Variants in KMT5B observed in about 807,000 individuals in gnomAD.
The protein encoded by KMT5B is histone-lysine N-methyltransferase KMT5B.
Under a neutral mutation model 83.2 loss-of-function variants are expected in KMT5B, and 10 were observed. The observed-to-expected ratio is 0.12, with a 90% confidence interval of 0.07 to 0.20. KMT5B has a LOEUF of 0.20. Among genes scored for constraint, KMT5B ranks in the 10% least tolerant of loss-of-function variants. KMT5B has a pLI of 1.00. For missense variants in KMT5B, 753 were observed against 1,067.2 expected (o/e 0.71, Z 4.10); for synonymous variants, 349 against 388.8 (o/e 0.90, Z 1.20).
intron 1 of KMT5B, among the ~76,000 whole-genome samples, chr11:68,196,512 A>G (rs1858730414): frequency 6.7e-6 from 1 of 149,932 alleles, no homozygotes; most frequent in Non-Finnish European, 1.5e-5. Flanking sequence ...GATGAAATAA[A>G]TAGGTTGTAT....
rs760604633 is a variant in KMT5B, at chr11:68,171,305, C to T, written c.821-54G>A. On this transcript the variant is annotated intron_variant, in intron 7 of 10. Coordinates refer to ENST00000304363, the MANE Select transcript of KMT5B (RefSeq NM_017635.5). This position sits in a 1 kb window ranked among gnomAD's most constrained non-coding sequence, Gnocchi z 5.1. The stretch of plus-strand genomic sequence containing the variant: ...TTAACTGTTGATAAGATCTGAAACA[C>T]GAACAATTATAGAAATCTGAAATAA... 2.5e-5 allele frequency: 39 copies of T among 1,585,118 alleles called. No homozygotes were observed. Among genetic ancestry groups the T allele is most frequent in the African/African-American group, 6.8e-5 (5 of 73,972 alleles).
chr11:68,178,643 C>T (rs1856609580), intron 4 of KMT5B, among the ~76,000 whole-genome samples: 1 of 152,136 alleles, frequency 6.6e-6, no homozygotes, highest in Non-Finnish European at 1.5e-5. Context: ...TGCAGACAGG[C>T]AGGAGATGAG....
chr11:68,210,246 T>TGG (rs71043405), intron 1 of KMT5B, among the ~76,000 whole-genome samples: 614 of 149,528 alleles, frequency 4.1e-3, no homozygotes, highest in East Asian at 7.5e-3. Flanking sequence ...AATCAAGCTT[T>TGG]GGGGGGGGGG....
intron 1 of KMT5B, among the ~76,000 whole-genome samples, chr11:68,201,391 T>C (rs1859422174): frequency 1.3e-5 from 2 of 152,264 alleles, no homozygotes; most frequent in African/African-American, 2.4e-5. Flanking sequence ...CACATAACCA[T>C]GCCTGTTCTA....
intron 1 of KMT5B, among the ~76,000 whole-genome samples, chr11:68,202,035 C>G (rs981342213): frequency 8.6e-5 from 13 of 151,994 alleles, no homozygotes; most frequent in Non-Finnish European, 2.9e-5. Context: ...CCACTGCACT[C>G]TAGCCTAGGT....
intron 1 of KMT5B, among the ~76,000 whole-genome samples, chr11:68,200,139 A>G (rs1476552344): frequency 6.6e-6 from 1 of 152,186 alleles, no homozygotes; most frequent in Non-Finnish European, 1.5e-5. Context: ...CTTCAAATAA[A>G]ATCAAAGTAT....
chr11:68,159,317 A>G lies in KMT5B; in HGVS notation c.1175-146T>C, dbSNP rs1854655273. The G allele has an allele frequency of 5.3e-6, 6 of 1,133,476 alleles. No homozygotes were observed. The South Asian group carries it at 1.2e-4, about 23-fold the overall frequency. The allele number at this position is 1,133,476 out of a possible 1,614,324, so 70.2% of individuals were successfully genotyped here. ...CTCCTGCTGCAGATTCTGCCAGCGC[A>G]CCTGCATTCCCTACACTGCTTCTCT... On this transcript the variant is annotated intron_variant, in intron 10 of 10. Coordinates refer to ENST00000304363, the MANE Select transcript of KMT5B (RefSeq NM_017635.5).
chr11:68,191,469 G>T lies in KMT5B; in HGVS notation c.-76-1317C>A, dbSNP rs1457504997. On this transcript the variant is annotated intron_variant, in intron 1 of 10. Coordinates refer to ENST00000304363, the MANE Select transcript of KMT5B (RefSeq NM_017635.5). ...CTGCCTCAGTCTCCTGAGTAGGTGG[G>T]ATTACAGGCGTGCACCACCACACCC... Among the ~76,000 whole-genome samples, 3 of 152,060 alleles carry T rather than the reference G, an allele frequency of 2.0e-5. No individual in the cohort carries two copies. The East Asian group carries it at 5.8e-4, about 29-fold the overall frequency.
intron 1 of KMT5B, among the ~76,000 whole-genome samples, chr11:68,190,591 C>T (rs1857926973): frequency 6.6e-6 from 1 of 152,172 alleles, no homozygotes; most frequent in Admixed American, 6.5e-5. Flanking sequence ...AATCCCGACC[C>T]TGTGTGGGCT....
At chr11:68,164,279 G>A (rs112690504) in intron 10 of KMT5B, among the ~76,000 whole-genome samples, 68 of 152,294 alleles carry the variant, frequency 4.5e-4, no homozygotes, top group African/African-American at 1.6e-3. Context: ...TGTGTTCAAA[G>A]AAAGCAGTTC....
chr11:68,208,890 C>T (rs1860512523), intron 1 of KMT5B, among the ~76,000 whole-genome samples: 2 of 152,274 alleles, frequency 1.3e-5, no homozygotes, highest in South Asian at 2.1e-4. Flanking sequence ...GGTCAAAAGC[C>T]CTCCTGGTAC....
chr11:68,205,412 G>A (rs1249861427), intron 1 of KMT5B, among the ~76,000 whole-genome samples: 1 of 152,164 alleles, frequency 6.6e-6, no homozygotes, highest in Non-Finnish European at 1.5e-5. Context: ...TTTGAAAATA[G>A]AGCCAGCCTC....
rs1409999011 is a variant in KMT5B, at chr11:68,171,825, A to C, written c.654-116T>G. 3 of 857,458 alleles carry C rather than the reference A, an allele frequency of 3.5e-6. No individual in the cohort carries two copies. Among genetic ancestry groups the C allele is most frequent in the Non-Finnish European group, 3.5e-6 (2 of 564,176 alleles). The allele number at this position is 857,458 out of a possible 1,614,324, so 53.1% of individuals were successfully genotyped here. ...AAACTGAAAAGGCCTAGCTGTCTATACTTTAGTTAGCTCACTGGGATCCCC... is the reference window on the plus strand; with the variant it reads ...AAACTGAAAAGGCCTAGCTGTCTATCCTTTAGTTAGCTCACTGGGATCCCC... On this transcript the variant is annotated intron_variant, in intron 6 of 10. Transcript: ENST00000304363. This position sits in a 1 kb window ranked among gnomAD's most constrained non-coding sequence, Gnocchi z 5.1.
At chr11:68,211,597 C>A (rs933751628) in intron 1 of KMT5B, among the ~76,000 whole-genome samples, 4 of 152,128 alleles carry the variant, frequency 2.6e-5, no homozygotes, top group Non-Finnish European at 4.4e-5. Flanking sequence ...CTGTACCTGC[C>A]CGTGGGCGGA....
intron 6 of KMT5B, among the ~76,000 whole-genome samples, chr11:68,173,170 A>C (rs1856010506): frequency 6.6e-6 from 1 of 152,142 alleles, no homozygotes; most frequent in African/African-American, 2.4e-5. Context: ...CCACCCGAGT[A>C]GCTAGGACTA....
chr11:68,166,113 C>CT, intron 10 of KMT5B: 3 of 1,449,716 alleles, frequency 2.1e-6, no homozygotes, highest in Non-Finnish European at 2.7e-6. Flanking sequence ...TCAAAACTTT[C>CT]TAACTTCTGT....
chr11:68,191,798 G>A (rs1018126208), intron 1 of KMT5B, among the ~76,000 whole-genome samples: 11 of 152,326 alleles, frequency 7.2e-5, no homozygotes, highest in African/African-American at 2.4e-4. Flanking sequence ...TAGCCTAAGT[G>A]TACGGTGTTA....
At chr11:68,173,967 C>G (rs1228399048) in intron 5 of KMT5B, 54 bp from the exon 6 acceptor site, 2 of 1,231,342 alleles carry the variant, frequency 1.6e-6, no homozygotes, top group Non-Finnish European at 2.4e-6. Context: ...CCCTGCTAGA[C>G]TTTCTTACAA....
chr11:68,182,415 T>C (rs903440087), intron 3 of KMT5B, among the ~76,000 whole-genome samples: 5 of 152,312 alleles, frequency 3.3e-5, no homozygotes, highest in Non-Finnish European at 5.9e-5. Flanking sequence ...GTAAACTAAT[T>C]ATAAGAAGCA....
Sources: gnomAD v4.1 joint callset for allele counts (sites outside exome capture counted in the v4.1 genomes callset) on GRCh38, gnomAD v4.1.1 for gene constraint, Gnocchi (gnomAD v3.1) non-coding constraint, MANE v1.5 for transcripts, NCBI Gene and HGNC (gene_info 2026-07-23, HGNC 2026-07-21) for gene names.